Variants in PDE7A observed in about 807,000 individuals in gnomAD.
The protein encoded by PDE7A is phosphodiesterase 7A.
In PDE7A, 39 loss-of-function variants were observed where a neutral mutation model predicts 64.3. The ratio of observed to expected loss-of-function variants is 0.61; its 90% CI spans 0.47 to 0.79. The LOEUF is 0.79. Among genes scored for constraint, PDE7A ranks in the 30% least tolerant of loss-of-function variants. PDE7A has a pLI of 0.00. For missense variants in PDE7A, 470 were observed against 582.8 expected (o/e 0.81, Z 1.99); for synonymous variants, 203 against 206.8 (o/e 0.98, Z 0.16).
chr8:65,780,929 C>A (rs1475502201), intron 2 of PDE7A: 1 of 152,272 alleles, frequency 6.6e-6, no homozygotes, highest in Admixed American at 6.5e-5. Context: ...GTCACCTGTC[C>A]TGTGGCCATT....
intron 3 of PDE7A, among the ~76,000 whole-genome samples, chr8:65,771,856 C>CTGGG: frequency 8.5e-6 from 1 of 117,000 alleles, no homozygotes. Context: ...GCCTGGGCAA[C>CTGGG]AGATCGAGAC....
intron 3 of PDE7A, among the ~76,000 whole-genome samples, chr8:65,777,512 T>C (rs918513949): frequency 5.9e-5 from 9 of 152,218 alleles, no homozygotes; most frequent in Non-Finnish European, 1.3e-4. Flanking sequence ...TTTGATAATA[T>C]GTTATTTAGG....
chr8:65,780,551 T>G (rs1809385672), intron 2 of PDE7A, among the ~76,000 whole-genome samples: 1 of 152,170 alleles, frequency 6.6e-6, no homozygotes, highest in Non-Finnish European at 1.5e-5. Flanking sequence ...GACACTCTTT[T>G]TCGTGTTTTA....
chr8:65,825,174 T>C (rs549272423), intron 1 of PDE7A, among the ~76,000 whole-genome samples: 4 of 152,204 alleles, frequency 2.6e-5, no homozygotes, highest in Non-Finnish European at 5.9e-5. Flanking sequence ...TATCTCTCAG[T>C]GGAAGAACTA....
intron 12 of PDE7A, among the ~76,000 whole-genome samples, chr8:65,719,977 C>G (rs1161685797): frequency 1.3e-5 from 2 of 152,142 alleles, no homozygotes; most frequent in Non-Finnish European, 2.9e-5. Flanking sequence ...CATGCCTGGT[C>G]ATGACTACAA....
chr8:65,830,723 C>T (rs1018863092), intron 1 of PDE7A, among the ~76,000 whole-genome samples: 4 of 152,058 alleles, frequency 2.6e-5, no homozygotes, highest in Non-Finnish European at 5.9e-5. Flanking sequence ...GCATTATGGA[C>T]ATACACAATT....
At chr8:65,764,483 T>C (rs990473098) in intron 3 of PDE7A, among the ~76,000 whole-genome samples, 1 of 152,194 alleles carries the variant, frequency 6.6e-6, no homozygotes, top group Non-Finnish European at 1.5e-5. Flanking sequence ...CTAATGACCA[T>C]GCAGTACAGT....
At position 65,739,560 on chromosome 8, in the gene PDE7A, A is replaced by G; in HGVS notation, c.537T>C (p.Ser179=). The G allele has an allele frequency of 1.3e-6, 2 of 1,562,164 alleles. No homozygotes were observed. The highest frequency in any genetic ancestry group is 1.7e-6 in the Non-Finnish European group (2 of 1,159,806). The part of the protein sequence containing the change: ...SLVSLTFHLF[S]LHGLIEYFHL... ...GGAAGTACTCAATTAATCCATGAAG[A>G]CTAAATAAATGAAAGGTTAAGCTTA... Residue 179 remains serine (S), a synonymous_variant, in exon 6 of 13, where the codon AGT becomes AGC. Transcript: ENST00000401827.
At chr8:65,749,994 G>T (rs747853126) in intron 3 of PDE7A, among the ~76,000 whole-genome samples, 4 of 150,362 alleles carry the variant, frequency 2.7e-5, no homozygotes, top group Admixed American at 6.7e-5. Flanking sequence ...CTAGAAAAAA[G>T]TGGATCTGCA....
intron 1 of PDE7A, among the ~76,000 whole-genome samples, chr8:65,813,223 C>A (rs924430865): frequency 6.6e-6 from 1 of 152,106 alleles, no homozygotes; most frequent in African/African-American, 2.4e-5. Flanking sequence ...CCAAGTTCTA[C>A]CACTTCTAGA....
intron 1 of PDE7A, among the ~76,000 whole-genome samples, chr8:65,808,677 G>C (rs529922387): frequency 2.9e-4 from 44 of 152,176 alleles, no homozygotes; most frequent in Non-Finnish European, 5.3e-4. Flanking sequence ...AACTTACTAA[G>C]AGTAATAAAG....
At chr8:65,741,672 T>C (rs1344282465) in intron 5 of PDE7A, among the ~76,000 whole-genome samples, 1 of 152,250 alleles carries the variant, frequency 6.6e-6, no homozygotes, top group East Asian at 1.9e-4. Flanking sequence ...GTCCATGTGG[T>C]GTGGAGCCAT....
intron 1 of PDE7A, among the ~76,000 whole-genome samples, chr8:65,838,212 T>A (rs1324777802): frequency 6.6e-6 from 1 of 152,210 alleles, no homozygotes; most frequent in African/African-American, 2.4e-5. Context: ...AACTTTCACA[T>A]CTACCAAGAA....
chr8:65,751,221 C>T, intron 3 of PDE7A, among the ~76,000 whole-genome samples: 1 of 152,206 alleles, frequency 6.6e-6, no homozygotes, highest in South Asian at 2.1e-4. Flanking sequence ...GAGATGCCAA[C>T]TAAAACTACC....
At chr8:65,736,644 G>A (rs893411796) in intron 6 of PDE7A, among the ~76,000 whole-genome samples, 6 of 151,918 alleles carry the variant, frequency 3.9e-5, no homozygotes, top group African/African-American at 1.5e-4. Context: ...CTAGCTACTC[G>A]GGAGGCTGAG....
chr8:65,798,941 T>A (rs1403892352), intron 1 of PDE7A, among the ~76,000 whole-genome samples: 1 of 151,998 alleles, frequency 6.6e-6, no homozygotes, highest in African/African-American at 2.4e-5. Context: ...ATACATGCAA[T>A]GAAATAAATA....
intron 7 of PDE7A, among the ~76,000 whole-genome samples, 161 bp downstream of exon 7, chr8:65,734,633 G>C (rs1480534927): frequency 2.0e-5 from 3 of 152,166 alleles, no homozygotes; most frequent in African/African-American, 7.2e-5. Context: ...GTTGCACTCT[G>C]AAACACAGCC....
At chr8:65,814,338 C>T (rs1810331886) in intron 1 of PDE7A, among the ~76,000 whole-genome samples, 1 of 150,712 alleles carries the variant, frequency 6.6e-6, no homozygotes, top group Admixed American at 6.6e-5. Flanking sequence ...GGTGAAACCC[C>T]GTCTCTACTA....
In PDE7A at chr8:65,716,520, G is replaced by T. The variant is rs1165888599; in HGVS notation, c.*2770C>A. Among the ~76,000 whole-genome samples the T allele has an allele frequency of 4.6e-5, 7 of 152,184 alleles. No individual in the cohort carries two copies. In the East Asian group the frequency reaches 9.7e-4, roughly 21 times the overall value. On this transcript the variant is annotated 3_prime_UTR_variant, in exon 13 of 13. Coordinates refer to ENST00000401827, the MANE Select transcript of PDE7A (RefSeq NM_001242318.3). ...CTGGTCCACAAACATGAATATCACA[G>T]AAGACATGGGTCTTCTGTGCACCCA...
Sources: allele counts gnomAD v4.1 joint callset (sites outside exome capture counted in the v4.1 genomes callset), GRCh38; gene constraint gnomAD v4.1.1; transcripts MANE v1.5; gene names NCBI Gene and HGNC (gene_info 2026-07-23, HGNC 2026-07-21).